IPPK: variants seen among roughly 807,000 people sequenced by gnomAD.
IPPK encodes IPK1 homolog.
In IPPK, 22 loss-of-function variants were observed where a neutral mutation model predicts 64.6. The observed-to-expected ratio is 0.34, with a 90% CI of 0.24 to 0.49. IPPK has a LOEUF of 0.49. Ranked by LOEUF, IPPK falls within the 20% of genes least tolerant of loss-of-function variation. The pLI, the probability that IPPK is intolerant of heterozygous loss-of-function variation, is 0.99. For synonymous variants in IPPK, 262 were observed against 247.2 expected (o/e 1.06, Z -0.56); for missense variants, 532 against 630.7 (o/e 0.84, Z 1.68).
Position 92,642,766 on chromosome 9 carries a change from A to C in IPPK, c.549T>G (p.Leu183=), listed in dbSNP as rs35248147. The change falls in exon 7 of 13, where the codon CTT becomes CTG. Residue 183 remains leucine, a synonymous_variant. Transcript: ENST00000287996. ...KWKQISKYCP[L]DLYSGNKQRM... is the part of the protein sequence containing the mutation. ...TGTTCTCTTACCCTGAGTAGAGATCAAGGGGACAGTATTTGCTGATCTGCT... is the reference window on the plus strand; with the variant it reads ...TGTTCTCTTACCCTGAGTAGAGATCCAGGGGACAGTATTTGCTGATCTGCT... 79,139 of 1,613,482 alleles carry C rather than the reference A, an allele frequency of 0.049. 2,331 individuals carry two copies. Among genetic ancestry groups the C allele is most frequent in the South Asian group, 0.084 (7,627 of 91,062 alleles).
At chr9:92,660,326 T>C (rs1040337009) in intron 1 of IPPK, among the ~76,000 whole-genome samples, 5 of 152,014 alleles carry the variant, frequency 3.3e-5, no homozygotes, top group East Asian at 1.9e-4. Context: ...AATAAGAAAA[T>C]ACATTACATG....
rs1044282887 is a variant in IPPK, at chr9:92,640,926, G to T, written c.564-144C>A. On this transcript the variant is annotated intron_variant, in intron 7 of 12. Coordinates refer to ENST00000287996, the MANE Select transcript of IPPK (RefSeq NM_022755.6). ...CAGAGTCCAACTAGGTCCAAACAGTGACATTCTCCCCTCACTACAGCCCCA... is the reference window on the plus strand; with the variant it reads ...CAGAGTCCAACTAGGTCCAAACAGTTACATTCTCCCCTCACTACAGCCCCA... 2.8e-5 allele frequency: 19 copies of T among 676,364 alleles called. No homozygotes were observed. The African/African-American group carries it at 3.0e-4, about 11-fold the overall frequency. The allele number at this position is 676,364 out of a possible 1,614,324, so 41.9% of individuals were successfully genotyped here. A position where few individuals can be genotyped will look rare whatever the true frequency, so the allele number is the denominator to read the frequency against.
At chr9:92,622,797 T>C (rs1381304429) in intron 11 of IPPK, among the ~76,000 whole-genome samples, 1 of 152,072 alleles carries the variant, frequency 6.6e-6, no homozygotes, top group Admixed American at 6.5e-5. Flanking sequence ...CTCAAATTCA[T>C]GTAGATATGC....
chr9:92,653,950 C>T (rs1296836933), intron 3 of IPPK, among the ~76,000 whole-genome samples: 2 of 152,222 alleles, frequency 1.3e-5, no homozygotes. Flanking sequence ...GCACGCATGC[C>T]GACTCTGGAT....
At chr9:92,669,693 G>A (rs1490460911) in intron 1 of IPPK, among the ~76,000 whole-genome samples, 1 of 151,390 alleles carries the variant, frequency 6.6e-6, no homozygotes, top group Non-Finnish European at 1.5e-5. Context: ...GGCAATGGGA[G>A]ACTGACCCAG....
chr9:92,666,296 C>T (rs1852594635), intron 1 of IPPK, among the ~76,000 whole-genome samples: 1 of 152,108 alleles, frequency 6.6e-6, no homozygotes, highest in Non-Finnish European at 1.5e-5. Context: ...AATGACAAAC[C>T]AAACCTAAAG....
At chr9:92,645,681 T>C (rs1274858776) in intron 6 of IPPK, among the ~76,000 whole-genome samples, 3 of 152,070 alleles carry the variant, frequency 2.0e-5, no homozygotes, top group African/African-American at 7.2e-5. Context: ...TTAGAAACCA[T>C]GGAGGCCAGG....
chr9:92,648,209 G>T, intron 5 of IPPK, 61 bp from the exon 6 acceptor site: 1 of 1,187,046 alleles, frequency 8.4e-7, no homozygotes, highest in Non-Finnish European at 1.2e-6. Flanking sequence ...CCTCTAAATA[G>T]ACATATCACT....
intron 12 of IPPK, chr9:92,617,565 A>C (rs1420424103): frequency 6.5e-6 from 1 of 152,960 alleles, no homozygotes. Context: ...CCCTTGTGCC[A>C]CAAGTGTGCC....
Position 92,669,964 on chromosome 9 carries a change from T to C in IPPK, c.25A>G (p.Asn9Asp). 6.2e-7 allele frequency: 1 copy of C among 1,612,926 alleles called. No homozygotes were observed. Among genetic ancestry groups the C allele is most frequent in the Non-Finnish European group, 8.5e-7 (1 of 1,179,448 alleles). Reference sequence around the variant, plus strand: ...CCCTCTCCGTGGTACCCCCATTCATTCTCGTCCATCTTCCCCTCTTCCATG... The same window carrying C: ...CCCTCTCCGTGGTACCCCCATTCATCCTCGTCCATCTTCCCCTCTTCCATG... MEEGKMDE[N>D]EWGYHGEGNK... Residue 9 changes from asparagine (N) to aspartate (D), a missense_variant, in exon 1 of 13, where the codon AAT becomes GAT. By Grantham distance (23) the Asn-to-Asp change is conservative (BLOSUM62 1). Transcript: ENST00000287996.
chr9:92,617,528 G>C (rs1588327985), intron 12 of IPPK: 3 of 152,582 alleles, frequency 2.0e-5, no homozygotes, highest in Admixed American at 1.3e-4. Flanking sequence ...GCCAAGACTG[G>C]GCAAGAGGCC....
Position 92,627,827 on chromosome 9 carries a change from TGTA to T in IPPK, c.1170+6556_1170+6558del, listed in dbSNP as rs1851761205. 3.7e-4 allele frequency among the ~76,000 whole-genome samples: 56 copies of T among 152,172 alleles called. 1 individual carries two copies. Among genetic ancestry groups the T allele is most frequent in the Non-Finnish European group, 7.3e-5 (5 of 68,034 alleles). On this transcript the variant is annotated intron_variant, in intron 11 of 12. Transcript: ENST00000287996. ...TACTCCTGCCATTTTTATTCAACATTGTACTGGAGGCTCTAGTCAGGAAATTAC... is the reference window on the plus strand; with the variant it reads ...TACTCCTGCCATTTTTATTCAACATTCTGGAGGCTCTAGTCAGGAAATTAC...
In IPPK at chr9:92,656,554, G is replaced by T; in HGVS notation, c.130-3C>A. ...TGTTGAAATATCTCTTCCGAGGTCT[G>T]TAAGAGACAACCACAGGACAGCCTT... On this transcript the variant is annotated splice_region_variant and splice_polypyrimidine_tract_variant and intron_variant, in intron 2 of 12. Transcript: ENST00000287996. 6.2e-7 allele frequency: 1 copy of T among 1,600,296 alleles called. No homozygotes were observed. The highest frequency in any genetic ancestry group is 8.6e-7 in the Non-Finnish European group (1 of 1,167,416).
In IPPK at chr9:92,615,773, A is replaced by G; in HGVS notation, c.*59T>C. 7.3e-7 allele frequency: 1 copy of G among 1,375,872 alleles called. No homozygotes were observed. The highest frequency in any genetic ancestry group is 2.3e-5 in the East Asian group (1 of 43,610). The allele number at this position is 1,375,872 out of a possible 1,614,324, so 85.2% of individuals were successfully genotyped here. The stretch of plus-strand genomic sequence containing the variant: ...AAGGTCACCCAACACAACAGAAAAT[A>G]TCTCTATCATTCAGCCTTCACATTA... On this transcript the variant is annotated 3_prime_UTR_variant, in exon 13 of 13. Coordinates refer to ENST00000287996, the MANE Select transcript of IPPK (RefSeq NM_022755.6).
At chr9:92,619,964 G>A in intron 11 of IPPK, 1 of 238,690 alleles carries the variant, frequency 4.2e-6, no homozygotes, top group Non-Finnish European at 8.7e-6. Flanking sequence ...ACACCTGCAA[G>A]GAGAGCGCAG....
At chr9:92,640,070 G>C (rs1029061981) in intron 8 of IPPK, among the ~76,000 whole-genome samples, 2 of 152,204 alleles carry the variant, frequency 1.3e-5, no homozygotes, top group Admixed American at 1.3e-4. Context: ...ATCCACCTGC[G>C]ATGGCTGTCA....
At chr9:92,650,344 C>T (rs997601047) in intron 4 of IPPK, among the ~76,000 whole-genome samples, 2 of 151,670 alleles carry the variant, frequency 1.3e-5, no homozygotes, top group African/African-American at 4.8e-5. Flanking sequence ...AAAACAAAAA[C>T]AAAAACAAAA....
At chr9:92,640,889 C>A in intron 7 of IPPK, 107 bp from the exon 8 acceptor site, 1 of 795,606 alleles carries the variant, frequency 1.3e-6, no homozygotes, top group South Asian at 1.4e-5. Context: ...TCCCAGGGGC[C>A]GCTGGGAAAC....
intron 11 of IPPK, among the ~76,000 whole-genome samples, chr9:92,621,940 C>G (rs1385668953): frequency 6.6e-6 from 1 of 152,192 alleles, no homozygotes; most frequent in Non-Finnish European, 1.5e-5. Context: ...AGAGAAAGCA[C>G]AGTTCTTATC....
Sources: gnomAD v4.1 joint callset for allele counts (sites outside exome capture counted in the v4.1 genomes callset) on GRCh38, gnomAD v4.1.1 for gene constraint, MANE v1.5 for transcripts, NCBI Gene and HGNC (gene_info 2026-07-23, HGNC 2026-07-21) for gene names.